SAE1: variants seen among roughly 807,000 people sequenced by gnomAD.
SAE1 encodes SUMO1 activating enzyme subunit 1, also known as SUMO-activating enzyme subunit 1.
A neutral mutation model predicts 40.6 loss-of-function variants in SAE1; 11 were observed. The ratio of observed to expected loss-of-function variants is 0.27; its 90% CI spans 0.17 to 0.45. The LOEUF is 0.45. Ranked by LOEUF, SAE1 falls within the 20% of genes least tolerant of loss-of-function variation. The probability of loss-of-function intolerance (pLI) is 1.00; values close to 1 mark genes in which losing one functional copy is unlikely to be tolerated. For missense variants in SAE1, 373 were observed against 427.3 expected, an observed-to-expected ratio of 0.87 and a Z score of 1.12; for synonymous variants, 155 against 154.3, an observed-to-expected ratio of 1.00 and a Z score of -0.03.
At chr19:47,171,292 T>G (rs2058430601) in intron 6 of SAE1, among the ~76,000 whole-genome samples, 2 of 150,468 alleles carry the variant, frequency 1.3e-5, no homozygotes, top group Non-Finnish European at 3.0e-5. Context: ...CTTTTAATTT[T>G]TATTTTAATT....
intron 6 of SAE1, among the ~76,000 whole-genome samples, chr19:47,173,216 C>G (rs760457883): frequency 2.0e-5 from 3 of 152,138 alleles, no homozygotes; most frequent in Non-Finnish European, 4.4e-5. Context: ...CCAGGCTGGT[C>G]TCGAACTCTT....
chr19:47,189,064 C>A, intron 6 of SAE1, among the ~76,000 whole-genome samples: 1 of 152,214 alleles, frequency 6.6e-6, no homozygotes, highest in Non-Finnish European at 1.5e-5. Context: ...CAGCCCAGCA[C>A]CTGGCACAGT....
chr19:47,161,181 G>GA (rs1459244289), intron 5 of SAE1, among the ~76,000 whole-genome samples: 1 of 74,174 alleles, frequency 1.3e-5, no homozygotes, highest in Admixed American at 1.7e-4. Flanking sequence ...AATTTTTTCG[G>GA]GTTTTTTTTT....
chr19:47,152,747 C>A, intron 3 of SAE1, 151 bp from the exon 4 acceptor site: 1 of 636,198 alleles, frequency 1.6e-6, no homozygotes. Flanking sequence ...CTTTTGTCTT[C>A]TAGCCATAGG....
intron 6 of SAE1, among the ~76,000 whole-genome samples, chr19:47,191,216 G>A (rs1168193345): frequency 7.9e-5 from 12 of 152,072 alleles, no homozygotes; most frequent in Non-Finnish European, 1.8e-4. Flanking sequence ...TTCGAGACCA[G>A]CCTGGCCAAC....
chr19:47,198,428 A>C (rs752841383), intron 7 of SAE1, among the ~76,000 whole-genome samples: 1 of 152,022 alleles, frequency 6.6e-6, no homozygotes, highest in African/African-American at 2.4e-5. Context: ...TCTCCTTCCA[A>C]GCAGCTCTGG....
chr19:47,148,617 CTTT>C (rs923760660), intron 2 of SAE1, among the ~76,000 whole-genome samples: 3 of 139,474 alleles, frequency 2.2e-5, no homozygotes, highest in Non-Finnish European at 3.2e-5. Flanking sequence ...TCTCTGAGTT[CTTT>C]TTTTTTTTTT....
intron 6 of SAE1, among the ~76,000 whole-genome samples, chr19:47,178,443 A>C (rs575496437): frequency 1.3e-5 from 2 of 152,252 alleles, no homozygotes; most frequent in Admixed American, 1.3e-4. Flanking sequence ...AGGGAAGCCC[A>C]TTTCCCAGGT....
chr19:47,204,837 A>G (rs888585142), intron 8 of SAE1, among the ~76,000 whole-genome samples: 4 of 152,082 alleles, frequency 2.6e-5, no homozygotes, highest in African/African-American at 7.2e-5. Context: ...GTATTTGTAG[A>G]GAAATCAGTT....
intron 1 of SAE1, among the ~76,000 whole-genome samples, chr19:47,142,267 C>A (rs1445173979): frequency 1.3e-5 from 2 of 151,828 alleles, no homozygotes; most frequent in African/African-American, 4.8e-5. Context: ...GCCTGTAATC[C>A]CAGCTACTCG....
At chr19:47,155,600 G>A (rs2058317731) in intron 5 of SAE1, among the ~76,000 whole-genome samples, 1 of 151,758 alleles carries the variant, frequency 6.6e-6, no homozygotes, top group South Asian at 2.1e-4. Flanking sequence ...AGCACCCCTG[G>A]CTAATTTTTT....
chr19:47,197,983 A>T (rs894323621), intron 7 of SAE1, among the ~76,000 whole-genome samples: 8 of 152,124 alleles, frequency 5.3e-5, no homozygotes, highest in Non-Finnish European at 1.0e-4. Flanking sequence ...AAAACCACCC[A>T]TGTTCCCAGC....
chr19:47,140,864 A>T (rs1041525782), intron 1 of SAE1, among the ~76,000 whole-genome samples: 1 of 151,556 alleles, frequency 6.6e-6, no homozygotes, highest in Non-Finnish European at 1.5e-5. Flanking sequence ...ATTTAATTTA[A>T]TTTTTTTTGA....
At chr19:47,146,195 T>G (rs1600155112) in intron 2 of SAE1, among the ~76,000 whole-genome samples, 1 of 152,074 alleles carries the variant, frequency 6.6e-6, no homozygotes, top group Non-Finnish European at 1.5e-5. Context: ...AGGTTGCTGG[T>G]GAAGTCCAAG....
intron 6 of SAE1, chr19:47,180,158 G>A (rs923926536): frequency 6.6e-6 from 3 of 455,940 alleles, no homozygotes; most frequent in African/African-American, 4.0e-5. Flanking sequence ...TTGTTTCCTA[G>A]AATTGTTGAG....
rs916783073 is a variant in SAE1, at chr19:47,175,107, ATTTTTTTT to A, written c.733+5201_733+5208del. On this transcript the variant is annotated intron_variant, in intron 6 of 8. Transcript: ENST00000270225. ...TGGAAATAATTTAAAAGTGGCCTTG[ATTTTTTTT>A]TTTTTTTTTTTTTTTTGCCTACTGT... is the stretch of plus-strand genomic sequence containing the variant. Among the ~76,000 whole-genome samples the A allele has an allele frequency of 3.1e-3, 287 of 91,716 alleles. 4 individuals carry two copies. Among genetic ancestry groups the A allele is most frequent in the African/African-American group, 0.011 (268 of 24,174 alleles). 60.2% of individuals were successfully genotyped at this position (91,716 alleles called of 152,430 possible). A position where few individuals can be genotyped will look rare whatever the true frequency, so the allele number is the denominator to read the frequency against.
At chr19:47,135,827 C>T (rs752623673) in intron 1 of SAE1, among the ~76,000 whole-genome samples, 16 of 151,794 alleles carry the variant, frequency 1.1e-4, no homozygotes, top group Admixed American at 2.6e-4. Context: ...GGAGTCTCGC[C>T]GTGTCGCCTA....
At position 47,181,230 on chromosome 19, in the gene SAE1, C is replaced by T. The variant is rs571624037; in HGVS notation, c.733+11307C>T. On this transcript the variant is annotated intron_variant, in intron 6 of 8. Coordinates refer to ENST00000270225, the MANE Select transcript of SAE1 (RefSeq NM_005500.3). ...ACTTGGGAAGCTGAGGCAGGAGAAT[C>T]GCTTGAACCCAGGAGGCGGAGGTTG... Among the ~76,000 whole-genome samples the T allele has an allele frequency of 1.1e-4, 16 of 151,924 alleles. No individual in the cohort carries two copies. The South Asian group carries it at 1.5e-3, about 14-fold the overall frequency.
chr19:47,190,857 C>T (rs192090848), intron 6 of SAE1, among the ~76,000 whole-genome samples: 8 of 152,236 alleles, frequency 5.3e-5, no homozygotes, highest in Non-Finnish European at 1.0e-4. Flanking sequence ...TTAACAGAGG[C>T]GAGGCCCATC....
Sources: allele counts gnomAD v4.1 joint callset (sites outside exome capture counted in the v4.1 genomes callset), GRCh38; gene constraint gnomAD v4.1.1; transcripts MANE v1.5; gene names NCBI Gene and HGNC (gene_info 2026-07-23, HGNC 2026-07-21).